SVIL: variants seen among roughly 807,000 people sequenced by gnomAD.
SVIL encodes the protein archvillin.
SVIL carries 101 observed loss-of-function variants against 240.4 expected under a neutral mutation model. The observed-to-expected ratio is 0.42, with a 90% confidence interval of 0.36 to 0.50. SVIL has a LOEUF of 0.50. Among genes scored for constraint, SVIL ranks in the 20% least tolerant of loss-of-function variants. SVIL has a pLI of 0.01. For missense variants in SVIL, 2,512 were observed against 2,818.7 expected, an observed-to-expected ratio of 0.89 and a Z score of 2.46; for synonymous variants, 999 against 1,100.0, an observed-to-expected ratio of 0.91 and a Z score of 1.82.
intron 2 of SVIL, among the ~76,000 whole-genome samples, chr10:29,565,630 G>A (rs1042106260): frequency 2.6e-5 from 4 of 151,896 alleles, no homozygotes; most frequent in South Asian, 2.1e-4. Flanking sequence ...TACACACCTC[G>A]TTAACCCCAG....
rs780512235 is a variant in SVIL at position 29,467,820 on chromosome 10, C to T, written c.5899G>A (p.Asp1967Asn). The change falls in exon 33 of 38, where the codon GAT becomes AAT. Residue 1967 changes from aspartate to asparagine, a missense_variant. Asp to Asn is a conservative substitution (Grantham distance 23). This residue lies in a region of SVIL where 797 missense variants were observed against 925.3 expected (regional missense o/e 0.86). Transcript: ENST00000355867. The stretch of plus-strand genomic sequence containing the variant: ...AATCCGAGTGGCTCGGAGCCTTCAT[C>T]ACACTCGTGTATTGTGACTTTGCTG... ...SSSKVTIHEC[D>N]EGSEPLGFWD... 2 of 1,614,194 alleles carry T rather than the reference C, an allele frequency of 1.2e-6. No individual in the cohort carries two copies. Among genetic ancestry groups the T allele is most frequent in the Non-Finnish European group, 8.5e-7 (1 of 1,180,032 alleles).
intron 1 of SVIL, among the ~76,000 whole-genome samples, chr10:29,594,848 C>T (rs1013336104): frequency 1.7e-4 from 26 of 152,340 alleles, no homozygotes; most frequent in African/African-American, 5.3e-4. Flanking sequence ...TAAGCCACTG[C>T]GCCCAGCCTC....
At chr10:29,600,594 C>T (rs1393445518) in intron 1 of SVIL, among the ~76,000 whole-genome samples, 1 of 152,210 alleles carries the variant, frequency 6.6e-6, no homozygotes, top group Non-Finnish European at 1.5e-5. Flanking sequence ...CTTTTATAAA[C>T]AGCAGCATCA....
intron 22 of SVIL, 83 bp downstream of exon 22, chr10:29,490,764 A>C (rs1947881511): frequency 1.9e-6 from 3 of 1,559,638 alleles, no homozygotes; most frequent in Non-Finnish European, 2.6e-6. Context: ...TGGCCTTCAC[A>C]AGGCAGAAAA....
intron 2 of SVIL, among the ~76,000 whole-genome samples, chr10:29,659,178 C>T (rs1235790277): frequency 6.6e-6 from 1 of 152,178 alleles, no homozygotes; most frequent in Non-Finnish European, 1.5e-5. Context: ...CGAGGGTTGA[C>T]ACTCTGTGTG....
At chr10:29,535,134 A>C (rs1589149832) in intron 7 of SVIL, among the ~76,000 whole-genome samples, 1 of 152,196 alleles carries the variant, frequency 6.6e-6, no homozygotes, top group Non-Finnish European at 1.5e-5. Flanking sequence ...TTTTTAACGT[A>C]CGAGGCAGTG....
chr10:29,631,197 G>A (rs1958075954), intron 1 of SVIL, among the ~76,000 whole-genome samples: 1 of 152,242 alleles, frequency 6.6e-6, no homozygotes, highest in African/African-American at 2.4e-5. Context: ...CCAGGCTTTT[G>A]CATGTAAGCA....
intron 1 of SVIL, among the ~76,000 whole-genome samples, chr10:29,625,872 A>AGT (rs1957844962): frequency 6.6e-6 from 1 of 152,208 alleles, no homozygotes; most frequent in Non-Finnish European, 1.5e-5. Context: ...AAGCCTTACA[A>AGT]GTGTCTCCTT....
chr10:29,704,448 G>T (rs1962752675), intron 1 of SVIL, among the ~76,000 whole-genome samples: 1 of 151,952 alleles, frequency 6.6e-6, no homozygotes, highest in Admixed American at 6.6e-5. Flanking sequence ...TTTCTGTAGA[G>T]ATAGGCTCTC....
intron 16 of SVIL, among the ~76,000 whole-genome samples, chr10:29,517,563 G>A (rs377717791): frequency 2.8e-4 from 42 of 152,374 alleles, no homozygotes; most frequent in African/African-American, 9.1e-4. Flanking sequence ...AGAACCTGGA[G>A]TTTGTGGAGA....
intron 3 of SVIL, among the ~76,000 whole-genome samples, chr10:29,653,475 A>G (rs1213374745): frequency 6.6e-6 from 1 of 152,188 alleles, no homozygotes; most frequent in East Asian, 1.9e-4. Context: ...AGTCTCAGGT[A>G]GTTCTTTATA....
In SVIL at chr10:29,457,976, C is replaced by T. The variant is rs67207304; in HGVS notation, c.*271G>A. ...AGCTGGAACAAGAAGGCAGTGCTAT[C>T]TATAGCAGCTGCGGCTTAAGTGCAC... On this transcript the variant is annotated 3_prime_UTR_variant, in exon 38 of 38. Coordinates refer to ENST00000355867, the MANE Select transcript of SVIL (RefSeq NM_021738.3). 0.094 allele frequency: 26,585 copies of T among 281,684 alleles called. 1,576 individuals carry two copies. Among genetic ancestry groups the T allele is most frequent in the Non-Finnish European group, 0.12 (18,579 of 151,796 alleles). The allele number at this position is 281,684 out of a possible 1,614,324, so 17.4% of individuals were successfully genotyped here. A position where few individuals can be genotyped will look rare whatever the true frequency, so the allele number is the denominator to read the frequency against.
chr10:29,508,287 C>T (rs1423024623), intron 17 of SVIL: 18 of 1,181,736 alleles, frequency 1.5e-5, no homozygotes, highest in African/African-American at 7.9e-5. Context: ...ATTACCCACG[C>T]GAAGTGTAAT....
At chr10:29,602,167 T>C (rs1956835472) in intron 1 of SVIL, 1 of 446,252 alleles carries the variant, frequency 2.2e-6, no homozygotes, top group African/African-American at 2.0e-5. Context: ...ACAAAAGAAA[T>C]GCTGTCCACG....
chr10:29,608,387 G>T (rs961082202), intron 1 of SVIL, among the ~76,000 whole-genome samples: 87 of 152,370 alleles, frequency 5.7e-4, no homozygotes, highest in African/African-American at 2.0e-3. Flanking sequence ...GGCTGGGATT[G>T]TGCACTCTGT....
At chr10:29,517,458 AG>A (rs375296976) in intron 16 of SVIL, among the ~76,000 whole-genome samples, 12 of 152,088 alleles carry the variant, frequency 7.9e-5, no homozygotes, top group African/African-American at 2.9e-4. Context: ...AAAAAGAAAA[AG>A]AAAAGGAGGG....
chr10:29,666,580 T>C (rs1959316204), intron 2 of SVIL, among the ~76,000 whole-genome samples: 1 of 152,222 alleles, frequency 6.6e-6, no homozygotes, highest in South Asian at 2.1e-4. Context: ...GGGTGGGTAT[T>C]ACCCTTGAGC....
intron 34 of SVIL, among the ~76,000 whole-genome samples, chr10:29,464,273 C>G (rs937908035): frequency 5.3e-5 from 8 of 150,776 alleles, no homozygotes; most frequent in Non-Finnish European, 1.0e-4. Context: ...CCTATCTCTA[C>G]AAAAAGAAAA....
Position 29,490,997 on chromosome 10 carries a change from G to T in SVIL, c.4042C>A (p.His1348Asn). The stretch of plus-strand genomic sequence containing the variant: ...CGCTTGGGCCTAACTGCCCGCTTGT[G>T]CTCGGCCACGGAAGACGTCAATCTG... ...APKLTSSVAE[H>N]KRAVRPKRRV... is the part of the protein sequence containing the mutation. Residue 1348 changes from histidine (H) to asparagine (N), a missense_variant, in exon 22 of 38, where the codon CAC (histidine) becomes AAC (asparagine). Coordinates refer to ENST00000355867, the MANE Select transcript of SVIL (RefSeq NM_021738.3). 6.2e-7 allele frequency: 1 copy of T among 1,613,898 alleles called. No individual in the cohort carries two copies. Among genetic ancestry groups the T allele is most frequent in the African/African-American group, 1.3e-5 (1 of 75,058 alleles).
Sources: gnomAD v4.1 joint callset for allele counts (sites outside exome capture counted in the v4.1 genomes callset) on GRCh38, gnomAD v4.1.1 for gene constraint, gnomAD v4.1.1 regional missense constraint, MANE v1.5 for transcripts, NCBI Gene and HGNC (gene_info 2026-07-23, HGNC 2026-07-21) for gene names.